Variants in CLVS2 observed in about 807,000 individuals in gnomAD.
CLVS2 encodes the protein clavesin-2.
A neutral mutation model predicts 29.0 loss-of-function variants in CLVS2; 19 were observed. The ratio of observed to expected loss-of-function variants is 0.66; its 90% CI spans 0.46 to 0.96. The LOEUF is 0.96. CLVS2 is among the 40% of genes least tolerant of loss of function. CLVS2 has a pLI of 0.00. For missense variants in CLVS2, 294 were observed against 404.1 expected (o/e 0.73, Z 2.34); for synonymous variants, 161 against 151.3 (o/e 1.06, Z -0.47).
At chr6:123,034,052 G>A (rs1033291053) in intron 3 of CLVS2, among the ~76,000 whole-genome samples, 4 of 152,024 alleles carry the variant, frequency 2.6e-5, no homozygotes, top group African/African-American at 9.7e-5. Flanking sequence ...TTTTTAAAAA[G>A]TGAAAATAGT....
intron 2 of CLVS2, 77 bp from the exon 3 acceptor site, chr6:123,010,908 G>C (rs1774737915): frequency 1.1e-6 from 1 of 931,158 alleles, no homozygotes; most frequent in South Asian, 3.1e-5. Flanking sequence ...TGAATTTTTA[G>C]TGTGCTAGAA....
rs1562178868 is a variant in CLVS2, at chr6:123,069,026, AT to A, written c.*5268del. 1 of 151,722 alleles carries A rather than the reference AT, an allele frequency of 6.6e-6. No homozygotes were observed. Among genetic ancestry groups the A allele is most frequent in the African/African-American group, 2.4e-5 (1 of 41,398 alleles). The allele number at this position is 151,722 out of a possible 1,614,324, so 9.4% of individuals were successfully genotyped here. A position where few individuals can be genotyped will look rare whatever the true frequency, so the allele number is the denominator to read the frequency against. ...ATTTTGAGAGAAATTGTGCTTAGCT[AT>A]TTAAGTTAAGATTCCTCAAGTTTGT... On this transcript the variant is annotated 3_prime_UTR_variant, in exon 6 of 6. Transcript: ENST00000275162.
rs539670473 is a variant in CLVS2, at chr6:123,013,240, T to A, written c.564+2081T>A. ...TTCATTCAGAATATGAATAAACATT[T>A]TTTTCAATATCAAAATAAGACCACA... On this transcript the variant is annotated intron_variant, in intron 3 of 5. Transcript: ENST00000275162. Among the ~76,000 whole-genome samples, 317 of 152,134 alleles carry A rather than the reference T, an allele frequency of 2.1e-3. 1 individual carries two copies. Among genetic ancestry groups the A allele is most frequent in the African/African-American group, 7.0e-3 (290 of 41,542 alleles).
At chr6:123,012,273 A>G (rs1774759627) in intron 3 of CLVS2, among the ~76,000 whole-genome samples, 2 of 152,030 alleles carry the variant, frequency 1.3e-5, no homozygotes, top group South Asian at 2.1e-4. Context: ...TGTATATCAT[A>G]TAGAATCAGT....
At chr6:123,010,785 C>A (rs144941682) in intron 2 of CLVS2, among the ~76,000 whole-genome samples, 200 bp from the exon 3 acceptor site, 90 of 152,036 alleles carry the variant, frequency 5.9e-4, no homozygotes, top group African/African-American at 2.0e-3. Context: ...TTTGTTTGGG[C>A]AGAATACATG....
chr6:123,028,243 T>A (rs1211644088), intron 3 of CLVS2, among the ~76,000 whole-genome samples: 2 of 152,054 alleles, frequency 1.3e-5, no homozygotes, highest in South Asian at 4.1e-4. Context: ...TATACAGATC[T>A]AATCAGTTTT....
intron 5 of CLVS2, among the ~76,000 whole-genome samples, chr6:123,058,774 C>T (rs1373623986): frequency 1.3e-5 from 2 of 152,144 alleles, no homozygotes; most frequent in Non-Finnish European, 1.5e-5. Flanking sequence ...ACCTCAGCTC[C>T]ACAAGTAACT....
chr6:123,039,136 A>C (rs187750534), intron 3 of CLVS2, among the ~76,000 whole-genome samples: 19 of 152,150 alleles, frequency 1.2e-4, no homozygotes, highest in African/African-American at 4.3e-4. Context: ...TTCTTACTGT[A>C]ATTTTCTCCT....
intron 2 of CLVS2, among the ~76,000 whole-genome samples, chr6:123,002,076 T>C (rs973185287): frequency 1.3e-5 from 2 of 152,192 alleles, no homozygotes; most frequent in South Asian, 4.1e-4. Context: ...AAACAGTAAT[T>C]CTCAGTAATT....
Position 123,070,749 on chromosome 6 carries a change from C to T in CLVS2, c.*6988C>T, listed in dbSNP as rs1413543822. 1 of 151,944 alleles carries T rather than the reference C, an allele frequency of 6.6e-6. No individual in the cohort carries two copies. The highest frequency in any genetic ancestry group is 1.5e-5 in the Non-Finnish European group (1 of 67,930). The allele number at this position is 151,944 out of a possible 1,614,324, so 9.4% of individuals were successfully genotyped here. A position where few individuals can be genotyped will look rare whatever the true frequency, so the allele number is the denominator to read the frequency against. On this transcript the variant is annotated 3_prime_UTR_variant, in exon 6 of 6. Transcript: ENST00000275162. ...TTCTTGCTTCTGAAGTTCTCTACCCCGTTCTTGCCTTTTCTTAGATAATCT... is the reference window on the plus strand; with the variant it reads ...TTCTTGCTTCTGAAGTTCTCTACCCTGTTCTTGCCTTTTCTTAGATAATCT...
At chr6:123,018,237 A>G (rs2077632487) in intron 3 of CLVS2, among the ~76,000 whole-genome samples, 1 of 152,068 alleles carries the variant, frequency 6.6e-6, no homozygotes, top group African/African-American at 2.4e-5. Flanking sequence ...GAGTGAATGC[A>G]GGCCCTCTCT....
intron 5 of CLVS2, among the ~76,000 whole-genome samples, chr6:123,059,021 T>A (rs566687697): frequency 6.6e-6 from 1 of 152,214 alleles, no homozygotes; most frequent in Admixed American, 6.5e-5. Context: ...TATCATGGCT[T>A]ACAAGATGCT....
Position 122,998,067 on chromosome 6 carries a change from A to G in CLVS2, c.290A>G (p.Lys97Arg). Residue 97 changes from lysine to arginine, a missense_variant, in exon 2 of 6, where the codon AAG becomes AGG. Physicochemically the swap from Lys to Arg is conservative, Grantham distance 26. Transcript: ENST00000275162. Reference protein sequence around the residue: ...KSFKATDPGIKQALKDGFPGG... With the variant: ...KSFKATDPGIRQALKDGFPGG... ...TTTAAGGCCACCGACCCTGGCATCAAGCAGGCACTGAAGGATGGCTTCCCT... is the reference window on the plus strand; with the variant it reads ...TTTAAGGCCACCGACCCTGGCATCAGGCAGGCACTGAAGGATGGCTTCCCT... The G allele has an allele frequency of 6.2e-7, 1 of 1,614,198 alleles. No homozygotes were observed. The highest frequency in any genetic ancestry group is 8.5e-7 in the Non-Finnish European group (1 of 1,180,034).
At chr6:123,019,011 C>A (rs1029351346) in intron 3 of CLVS2, among the ~76,000 whole-genome samples, 1 of 152,052 alleles carries the variant, frequency 6.6e-6, no homozygotes, top group African/African-American at 2.4e-5. Context: ...TTCCTTCCAC[C>A]TTCTTGCGCT....
intron 3 of CLVS2, among the ~76,000 whole-genome samples, chr6:123,043,778 T>C (rs1345496444): frequency 6.6e-6 from 1 of 152,166 alleles, no homozygotes; most frequent in African/African-American, 2.4e-5. Flanking sequence ...TCTTCATAAA[T>C]CAGACAATAT....
Position 123,018,262 on chromosome 6 carries a change from G to T in CLVS2, c.564+7103G>T, listed in dbSNP as rs143930535. 1.1e-3 allele frequency among the ~76,000 whole-genome samples: 174 copies of T among 152,144 alleles called. 1 individual carries two copies. In the East Asian group the frequency reaches 0.026, roughly 23 times the overall value. ...AGGCCCTCTCTTATTCTTTTCAGCA[G>T]CAATGTAAATGCATCTTGATGTGTT... On this transcript the variant is annotated intron_variant, in intron 3 of 5. Transcript: ENST00000275162.
intron 5 of CLVS2, among the ~76,000 whole-genome samples, chr6:123,056,633 A>ATTT (rs1337095594): frequency 1.3e-5 from 2 of 152,184 alleles, no homozygotes; most frequent in African/African-American, 4.8e-5. Context: ...TGGTTTTCAA[A>ATTT]TTGTATCCTG....
At chr6:123,035,208 A>G (rs886486626) in intron 3 of CLVS2, among the ~76,000 whole-genome samples, 2 of 151,942 alleles carry the variant, frequency 1.3e-5, no homozygotes, top group East Asian at 3.9e-4. Context: ...AGTAAAATCT[A>G]CCTATTTGTT....
At chr6:123,045,079 G>A (rs1343625279) in intron 3 of CLVS2, among the ~76,000 whole-genome samples, 1 of 151,892 alleles carries the variant, frequency 6.6e-6, no homozygotes, top group African/African-American at 2.4e-5. Context: ...AATCAGAGAA[G>A]ATAGTTTACT....
Sources: allele counts gnomAD v4.1 joint callset (sites outside exome capture counted in the v4.1 genomes callset), GRCh38; gene constraint gnomAD v4.1.1; transcripts MANE v1.5; gene names NCBI Gene and HGNC (gene_info 2026-07-23, HGNC 2026-07-21).